Variants in OTULINL observed in about 807,000 individuals in gnomAD.
OTULINL encodes the protein OTU deubiquitinase with linear linkage specificity like, also known as inactive ubiquitin thioesterase OTULINL.
Under a neutral mutation model 43.9 loss-of-function variants are expected in OTULINL, and 42 were observed. The ratio of observed to expected loss-of-function variants is 0.96; its 90% CI spans 0.75 to 1.24. The LOEUF (loss-of-function observed/expected upper bound fraction) is 1.24, where lower values mean the gene tolerates loss of function less well. OTULINL is among the 50% of genes most tolerant of loss of function. OTULINL has a pLI of 0.00. For missense variants in OTULINL, 411 were observed against 426.4 expected (o/e 0.96, Z 0.32); for synonymous variants, 172 against 153.6 (o/e 1.12, Z -0.88).
In OTULINL at chr5:14,615,247, C is replaced by T. The variant is rs1416360855; in HGVS notation, c.*4933C>T. Among the ~76,000 whole-genome samples the T allele has an allele frequency of 6.6e-6, 1 of 152,190 alleles. No individual in the cohort carries two copies. The highest frequency in any genetic ancestry group is 1.5e-5 in the Non-Finnish European group (1 of 68,038). The stretch of plus-strand genomic sequence containing the variant: ...GCCAAACACAAATGGCTGAGACACT[C>T]CTGGCCCATTTCTTGTCATCGCTGC... On this transcript the variant is annotated 3_prime_UTR_variant, in exon 8 of 8. Transcript: ENST00000274217.
At position 14,600,946 on chromosome 5, in the gene OTULINL, TTTTTTG is replaced by T; in HGVS notation, c.65-17_65-12del. The stretch of plus-strand genomic sequence containing the variant: ...ATTGTGATGTGCTTTTTTTTTTTTT[TTTTTTG>T]TAATTTTCATAGGAAGTGACCAAGT... On this transcript the variant is annotated splice_polypyrimidine_tract_variant and intron_variant, in intron 1 of 7. Coordinates refer to ENST00000274217, the MANE Select transcript of OTULINL (RefSeq NM_019018.3). 1 of 1,299,426 alleles carries T rather than the reference TTTTTTG, an allele frequency of 7.7e-7. No individual in the cohort carries two copies. The highest frequency in any genetic ancestry group is 9.7e-7 in the Non-Finnish European group (1 of 1,025,756). The allele number at this position is 1,299,426 out of a possible 1,614,324, so 80.5% of individuals were successfully genotyped here. A position where few individuals can be genotyped will look rare whatever the true frequency, so the allele number is the denominator to read the frequency against.
chr5:14,609,898 G>A (rs893690085), intron 7 of OTULINL, among the ~76,000 whole-genome samples: 2 of 152,152 alleles, frequency 1.3e-5, no homozygotes, highest in Non-Finnish European at 2.9e-5. Context: ...GATTACAGGC[G>A]TGAGCCACCG....
intron 1 of OTULINL, among the ~76,000 whole-genome samples, chr5:14,582,780 A>G (rs1376898651): frequency 7.6e-6 from 1 of 132,292 alleles, no homozygotes; most frequent in African/African-American, 3.0e-5. Flanking sequence ...GCACCACTGC[A>G]CTCTCAGCCA....
chr5:14,603,951 C>A (rs1476945592), intron 5 of OTULINL, among the ~76,000 whole-genome samples: 3 of 152,096 alleles, frequency 2.0e-5, no homozygotes, highest in Non-Finnish European at 4.4e-5. Context: ...AAACTTGTTT[C>A]TATTAGTTCC....
rs1188250359 is a variant in OTULINL at position 14,581,839 on chromosome 5, ACAGACCACTG to A, written c.-47_-38del. ...CGCCGGCGGGCGGCCGTCGCGTCTG[ACAGACCACTG>A]CAGACCACGGGCCGAGGCCCAGCGC... is the stretch of plus-strand genomic sequence containing the variant. On this transcript the variant is annotated 5_prime_UTR_variant, in exon 1 of 8. Coordinates refer to ENST00000274217, the MANE Select transcript of OTULINL (RefSeq NM_019018.3). 7.6e-7 allele frequency: 1 copy of A among 1,314,100 alleles called. No homozygotes were observed. Among genetic ancestry groups the A allele is most frequent in the African/African-American group, 1.6e-5 (1 of 64,286 alleles). 81.4% of individuals were successfully genotyped at this position (1,314,100 alleles called of 1,614,324 possible). A position where few individuals can be genotyped will look rare whatever the true frequency, so the allele number is the denominator to read the frequency against.
intron 1 of OTULINL, among the ~76,000 whole-genome samples, chr5:14,584,884 G>A (rs1176518599): frequency 1.3e-5 from 2 of 152,218 alleles, no homozygotes. Context: ...GCTTTGTTGT[G>A]TTCCCATGGG....
Position 14,613,338 on chromosome 5 carries a change from G to A in OTULINL, c.*3024G>A, listed in dbSNP as rs1374353926. Among the ~76,000 whole-genome samples the A allele has an allele frequency of 1.3e-5, 2 of 152,098 alleles. No individual in the cohort carries two copies. Among genetic ancestry groups the A allele is most frequent in the Admixed American group, 6.5e-5 (1 of 15,282 alleles). ...CAAGACTGACTTTTTTTCAAAGCAGGCAACTTTAATTCCCTACCTGGTATC... is the reference window on the plus strand; with the variant it reads ...CAAGACTGACTTTTTTTCAAAGCAGACAACTTTAATTCCCTACCTGGTATC... On this transcript the variant is annotated 3_prime_UTR_variant, in exon 8 of 8. Transcript: ENST00000274217.
At chr5:14,594,879 C>G (rs1345203793) in intron 1 of OTULINL, among the ~76,000 whole-genome samples, 1 of 151,986 alleles carries the variant, frequency 6.6e-6, no homozygotes, top group Admixed American at 6.6e-5. Flanking sequence ...ACCTCTCTTG[C>G]CACAGAGTGT....
At chr5:14,606,175 G>C (rs997165257) in intron 5 of OTULINL, among the ~76,000 whole-genome samples, 2 of 152,186 alleles carry the variant, frequency 1.3e-5, no homozygotes, top group Admixed American at 1.3e-4. Context: ...AGAGGAGCAA[G>C]TCACATTTTA....
intron 1 of OTULINL, 119 bp from the exon 2 acceptor site, chr5:14,600,845 TC>T: frequency 1.2e-6 from 1 of 862,944 alleles, no homozygotes; most frequent in South Asian, 3.9e-5. Flanking sequence ...TTTATGTAAA[TC>T]AGTGATAGAT....
Position 14,608,783 on chromosome 5 carries a change from G to T in OTULINL, c.663G>T (p.Lys221Asn). The change falls in exon 7 of 8, where the codon AAG becomes AAT. Residue 221 changes from lysine (K) to asparagine (N), a missense_variant. By Grantham distance (94) the Lys-to-Asn change is moderately conservative (BLOSUM62 0). Coordinates refer to ENST00000274217, the MANE Select transcript of OTULINL (RefSeq NM_019018.3). ...TEFNGIRDYH[K>N]RGSMCNTLFS... ...TTAATGGCATTAGAGATTATCACAA[G>T]AGAGGAAGTATGTGCAACACCCTTT... 1 of 1,611,918 alleles carries T rather than the reference G, an allele frequency of 6.2e-7. No homozygotes were observed. Among genetic ancestry groups the T allele is most frequent in the Non-Finnish European group, 8.5e-7 (1 of 1,178,322 alleles).
At chr5:14,596,828 G>A (rs1056457472) in intron 1 of OTULINL, among the ~76,000 whole-genome samples, 3 of 152,158 alleles carry the variant, frequency 2.0e-5, no homozygotes, top group African/African-American at 7.2e-5. Context: ...GTAATGTGGT[G>A]GAGGGCGTCA....
At chr5:14,594,349 T>A (rs1232003462) in intron 1 of OTULINL, among the ~76,000 whole-genome samples, 3 of 152,238 alleles carry the variant, frequency 2.0e-5, no homozygotes, top group Non-Finnish European at 4.4e-5. Flanking sequence ...ATGTACAATA[T>A]TTTGCTTTAT....
intron 5 of OTULINL, among the ~76,000 whole-genome samples, chr5:14,605,323 A>C (rs1439376627): frequency 7.3e-6 from 1 of 137,142 alleles, no homozygotes; most frequent in African/African-American, 2.7e-5. Flanking sequence ...AAGTCCCCAG[A>C]CTGTACACAG....
intron 6 of OTULINL, 135 bp downstream of exon 6, chr5:14,607,593 C>G: frequency 9.5e-7 from 1 of 1,047,632 alleles, no homozygotes; most frequent in South Asian, 1.6e-5. Context: ...CTTCTAGTAA[C>G]TGATGATTTC....
chr5:14,598,385 G>T (rs1395307638), intron 1 of OTULINL, among the ~76,000 whole-genome samples: 1 of 152,188 alleles, frequency 6.6e-6, no homozygotes, highest in Non-Finnish European at 1.5e-5. Context: ...ACCAGTACTG[G>T]GGTTTAGGGA....
intron 5 of OTULINL, among the ~76,000 whole-genome samples, chr5:14,604,628 A>G (rs1759442013): frequency 1.3e-5 from 2 of 152,260 alleles, no homozygotes; most frequent in South Asian, 2.1e-4. Flanking sequence ...CAGTTTAGTT[A>G]CTACCTAGAT....
At chr5:14,599,386 G>A (rs1419697301) in intron 1 of OTULINL, among the ~76,000 whole-genome samples, 3 of 152,068 alleles carry the variant, frequency 2.0e-5, no homozygotes, top group Non-Finnish European at 4.4e-5. Context: ...AACTGGGGAG[G>A]CTGAGACAGG....
At chr5:14,601,268 T>G in intron 3 of OTULINL, 24 bp downstream of exon 3, 1 of 1,609,714 alleles carries the variant, frequency 6.2e-7, no homozygotes, top group Non-Finnish European at 8.5e-7. Context: ...TTCATTTATT[T>G]CTTTATTTTT....
Sources: allele counts gnomAD v4.1 joint callset (sites outside exome capture counted in the v4.1 genomes callset), GRCh38; gene constraint gnomAD v4.1.1; transcripts MANE v1.5; gene names NCBI Gene and HGNC (gene_info 2026-07-23, HGNC 2026-07-21).